Variants in ADAMTS9 observed in about 807,000 individuals in gnomAD.
ADAMTS9 encodes ADAM metallopeptidase with thrombospondin type 1 motif 9.
A neutral mutation model predicts 257.1 loss-of-function variants in ADAMTS9; 107 were observed. That is an observed-to-expected ratio of 0.42 (90% confidence interval 0.36 to 0.49). ADAMTS9 has a LOEUF of 0.49. ADAMTS9 is among the 20% of genes least tolerant of loss of function. ADAMTS9 has a pLI of 0.03. For missense variants in ADAMTS9, 2,353 were observed against 2,469.1 expected (o/e 0.95, Z 1.00); for synonymous variants, 982 against 880.9 (o/e 1.11, Z -2.03).
intron 2 of ADAMTS9, among the ~76,000 whole-genome samples, chr3:64,685,823 C>A (rs1701889669): frequency 6.6e-6 from 1 of 152,184 alleles, no homozygotes; most frequent in Non-Finnish European, 1.5e-5. Flanking sequence ...CGGACAGCCT[C>A]TCCAGGCTGT....
Position 64,681,318 on chromosome 3 carries a change from G to A in ADAMTS9, c.562C>T (p.Leu188=), listed in dbSNP as rs148376466. ...SHDGDYFIEP[L]QSMDEQEDEE... is the part of the protein sequence containing the mutation. ...TCTTCTTGTTCATCCATAGACTGTA[G>A]TGGTTCAATAAAATAATCCCCATCA... The change falls in exon 3 of 40, where the codon CTA becomes TTA. Residue 188 remains leucine (L), a synonymous_variant. Coordinates refer to ENST00000498707, the MANE Select transcript of ADAMTS9 (RefSeq NM_182920.2). 8 of 1,613,626 alleles carry A rather than the reference G, an allele frequency of 5.0e-6. No individual in the cohort carries two copies. The African/African-American group carries it at 1.1e-4, about 22-fold the overall frequency.
chr3:64,620,968 A>G (rs1160931881), intron 19 of ADAMTS9, 146 bp downstream of exon 19: 1 of 988,970 alleles, frequency 1.0e-6, no homozygotes, highest in Non-Finnish European at 1.5e-6. Flanking sequence ...TTCCAGAGGG[A>G]TGGAGAATTG....
chr3:64,632,051 A>C lies in ADAMTS9; in HGVS notation c.2176-126T>G, dbSNP rs1576139605. ...AAAGTCAAGTCCTTTAAAACTTGGAAAGGTTGAAAACTGAAATTATATACT... is the reference window on the plus strand; with the variant it reads ...AAAGTCAAGTCCTTTAAAACTTGGACAGGTTGAAAACTGAAATTATATACT... On this transcript the variant is annotated intron_variant, in intron 14 of 39. Transcript: ENST00000498707. 6 of 734,692 alleles carry C rather than the reference A, an allele frequency of 8.2e-6. No individual in the cohort carries two copies. In the East Asian group the frequency reaches 1.6e-4, roughly 20 times the overall value. The allele number at this position is 734,692 out of a possible 1,614,324, so 45.5% of individuals were successfully genotyped here.
chr3:64,523,639 T>C (rs1412797458), intron 38 of ADAMTS9, among the ~76,000 whole-genome samples: 1 of 152,194 alleles, frequency 6.6e-6, no homozygotes, highest in Non-Finnish European at 1.5e-5. Context: ...GTATTATTCA[T>C]TTGCAGGTAC....
intron 12 of ADAMTS9, among the ~76,000 whole-genome samples, chr3:64,634,670 T>C (rs1485790790): frequency 1.3e-5 from 2 of 152,182 alleles, no homozygotes; most frequent in African/African-American, 4.8e-5. Flanking sequence ...AAATTCATCA[T>C]GGAAACAGGA....
intron 28 of ADAMTS9, chr3:64,592,331 A>G (rs1454859700): frequency 6.6e-6 from 1 of 152,198 alleles, no homozygotes; most frequent in Non-Finnish European, 1.5e-5. Context: ...ATACTAGAGC[A>G]TTATAATTTC....
chr3:64,639,080 A>T (rs760541707), intron 12 of ADAMTS9, among the ~76,000 whole-genome samples: 7 of 151,978 alleles, frequency 4.6e-5, no homozygotes, highest in Non-Finnish European at 8.8e-5. Flanking sequence ...TGCTCTGTGA[A>T]TTTCTCTGAA....
intron 11 of ADAMTS9, among the ~76,000 whole-genome samples, chr3:64,647,619 A>G (rs1241514076): frequency 6.6e-6 from 1 of 152,248 alleles, no homozygotes; most frequent in Non-Finnish European, 1.5e-5. Context: ...GAAGAAAAAG[A>G]AACACAATCT....
At chr3:64,634,917 G>A (rs1189958840) in intron 12 of ADAMTS9, among the ~76,000 whole-genome samples, 1 of 152,174 alleles carries the variant, frequency 6.6e-6, no homozygotes, top group Non-Finnish European at 1.5e-5. Flanking sequence ...AGAATGAGAG[G>A]TAGAAAGAGC....
intron 38 of ADAMTS9, among the ~76,000 whole-genome samples, chr3:64,531,788 C>T (rs2082984774): frequency 6.6e-6 from 1 of 152,226 alleles, no homozygotes; most frequent in Non-Finnish European, 1.5e-5. Context: ...TAAAACCCTA[C>T]TTTCCCAGCT....
chr3:64,558,350 C>A (rs898097556), intron 30 of ADAMTS9, among the ~76,000 whole-genome samples: 1 of 152,144 alleles, frequency 6.6e-6, no homozygotes, highest in African/African-American at 2.4e-5. Flanking sequence ...AATACTACAT[C>A]AGAGAGTTAT....
At chr3:64,555,720 A>G (rs2083324733) in intron 30 of ADAMTS9, among the ~76,000 whole-genome samples, 2 of 152,332 alleles carry the variant, frequency 1.3e-5, no homozygotes, top group East Asian at 1.9e-4. Flanking sequence ...CAGGAGAATG[A>G]TGGAGGACAT....
intron 31 of ADAMTS9, among the ~76,000 whole-genome samples, chr3:64,549,011 C>T (rs1425502285): frequency 6.6e-6 from 1 of 152,166 alleles, no homozygotes; most frequent in Non-Finnish European, 1.5e-5. Context: ...TGGAGTAGAG[C>T]TCAGAGAAAA....
At chr3:64,582,141 T>C (rs2084020339) in intron 28 of ADAMTS9, among the ~76,000 whole-genome samples, 1 of 152,104 alleles carries the variant, frequency 6.6e-6, no homozygotes, top group South Asian at 2.1e-4. Flanking sequence ...GGGGTTGGGG[T>C]TGGGAAATAT....
intron 3 of ADAMTS9, among the ~76,000 whole-genome samples, chr3:64,678,187 T>C (rs562173452): frequency 1.1e-3 from 170 of 152,314 alleles, no homozygotes; most frequent in African/African-American, 3.8e-3. Flanking sequence ...AGGATATCAC[T>C]CCTGGGAGGA....
At chr3:64,586,491 G>A (rs770143589) in intron 28 of ADAMTS9, among the ~76,000 whole-genome samples, 2 of 152,076 alleles carry the variant, frequency 1.3e-5, no homozygotes, top group Non-Finnish European at 2.9e-5. Flanking sequence ...AGTGAGCATA[G>A]TAGATTAATC....
intron 38 of ADAMTS9, among the ~76,000 whole-genome samples, chr3:64,530,705 C>T (rs1288782592): frequency 1.3e-5 from 2 of 151,988 alleles, no homozygotes; most frequent in African/African-American, 4.8e-5. Context: ...AACTATCTAA[C>T]GAATAAAATT....
intron 37 of ADAMTS9, among the ~76,000 whole-genome samples, chr3:64,535,134 T>C (rs2083033434): frequency 6.6e-6 from 1 of 152,118 alleles, no homozygotes; most frequent in Admixed American, 6.5e-5. Flanking sequence ...TCCTAGTACT[T>C]TGGGAGGCTG....
chr3:64,651,922 T>C lies in ADAMTS9; in HGVS notation c.1317-759A>G, dbSNP rs902033208. Among the ~76,000 whole-genome samples the C allele has an allele frequency of 2.6e-5, 4 of 152,202 alleles. No individual in the cohort carries two copies. In the East Asian group the frequency reaches 7.7e-4, roughly 29 times the overall value. ...CTATGAAGGATTGCCAACGTCCTTA[T>C]GGGCCTGGAAGGGAATGCAGCAGCA... On this transcript the variant is annotated intron_variant, in intron 8 of 39. Coordinates refer to ENST00000498707, the MANE Select transcript of ADAMTS9 (RefSeq NM_182920.2).
Sources: gnomAD v4.1 joint callset for allele counts (sites outside exome capture counted in the v4.1 genomes callset) on GRCh38, gnomAD v4.1.1 for gene constraint, MANE v1.5 for transcripts, NCBI Gene and HGNC (gene_info 2026-07-23, HGNC 2026-07-21) for gene names.